Variants in SBF2 observed in about 807,000 individuals in gnomAD.
SBF2 encodes myotubularin-related protein 13.
In SBF2, 112 loss-of-function variants were observed where a neutral mutation model predicts 225.2. The observed-to-expected ratio is 0.50, with a 90% CI of 0.43 to 0.58. SBF2 has a LOEUF of 0.58. Among genes scored for constraint, SBF2 ranks in the 20% least tolerant of loss-of-function variants. The pLI is 0.00. For synonymous variants in SBF2, 763 were observed against 773.3 expected (o/e 0.99, Z 0.22); for missense variants, 1,996 against 2,206.2 (o/e 0.90, Z 1.91).
rs1225797334 is a variant in SBF2 at position 9,780,374 on chromosome 11, A to G, written c.*44T>C. 1.3e-6 allele frequency: 2 copies of G among 1,501,800 alleles called. No individual in the cohort carries two copies. Among genetic ancestry groups the G allele is most frequent in the Admixed American group, 3.4e-5 (2 of 59,586 alleles). The allele number at this position is 1,501,800 out of a possible 1,614,324, so 93.0% of individuals were successfully genotyped here. Reference sequence around the variant, plus strand: ...ATGCTTCTTTTTCTATCTATCTGGCAGCATGAGTTCTTCTGTTTCTTCTGC... The same window carrying G: ...ATGCTTCTTTTTCTATCTATCTGGCGGCATGAGTTCTTCTGTTTCTTCTGC... On this transcript the variant is annotated 3_prime_UTR_variant, in exon 40 of 40. Coordinates refer to ENST00000256190, the MANE Select transcript of SBF2 (RefSeq NM_030962.4).
At chr11:10,230,301 A>G (rs568506365) in intron 1 of SBF2, among the ~76,000 whole-genome samples, 90 of 151,914 alleles carry the variant, frequency 5.9e-4, no homozygotes, top group African/African-American at 2.1e-3. Context: ...GAGCATTTAG[A>G]CCATTTACAT....
chr11:10,249,488 T>C (rs118044813), intron 1 of SBF2, among the ~76,000 whole-genome samples: 4 of 152,300 alleles, frequency 2.6e-5, no homozygotes, highest in Non-Finnish European at 5.9e-5. Context: ...AAAAGATTGT[T>C]TGAAAAGCTA....
In SBF2 at chr11:9,808,126, C is replaced by G; in HGVS notation, c.4317G>C (p.Gln1439His). ...DPFYRTLEGF[Q>H]MLVEKEWLSF... ...AGAGCCACTCTTTTTCAACCAACAT[C>G]TGGAAGCCTTCAAGTGTCCTATAAA... Residue 1439 changes from glutamine (Q) to histidine (H), a missense_variant, in exon 32 of 40, where the codon CAG becomes CAC. By Grantham distance (24) the Gln-to-His change is conservative (BLOSUM62 0). Coordinates refer to ENST00000256190, the MANE Select transcript of SBF2 (RefSeq NM_030962.4). 6.2e-7 allele frequency: 1 copy of G among 1,614,206 alleles called. No homozygotes were observed. Among genetic ancestry groups the G allele is most frequent in the East Asian group, 2.2e-5 (1 of 44,894 alleles).
At chr11:10,096,662 T>A (rs1241916535) in intron 2 of SBF2, among the ~76,000 whole-genome samples, 1 of 152,160 alleles carries the variant, frequency 6.6e-6, no homozygotes, top group Non-Finnish European at 1.5e-5. Flanking sequence ...CAAAATCTCA[T>A]ACAAGCGGTG....
At chr11:9,979,246 A>C (rs1433058320) in intron 13 of SBF2, among the ~76,000 whole-genome samples, 1 of 152,208 alleles carries the variant, frequency 6.6e-6, no homozygotes, top group Non-Finnish European at 1.5e-5. Flanking sequence ...TTGTATGTAA[A>C]GTGCTTAATT....
chr11:10,243,951 A>AGCAT (rs1959494105), intron 1 of SBF2, among the ~76,000 whole-genome samples: 1 of 152,200 alleles, frequency 6.6e-6, no homozygotes, highest in Non-Finnish European at 1.5e-5. Context: ...TTATAAGGAC[A>AGCAT]GCATCAACCT....
At chr11:10,099,001 T>C (rs906640468) in intron 2 of SBF2, among the ~76,000 whole-genome samples, 13 of 151,446 alleles carry the variant, frequency 8.6e-5, no homozygotes, top group Non-Finnish European at 1.0e-4. Context: ...AAAATATGCA[T>C]GATAGAAGTC....
At chr11:9,848,498 C>T (rs1856709227) in intron 22 of SBF2, among the ~76,000 whole-genome samples, 1 of 152,006 alleles carries the variant, frequency 6.6e-6, no homozygotes, top group African/African-American at 2.4e-5. Context: ...AAATAAATTA[C>T]AGCAATTTAA....
chr11:10,042,765 T>C, intron 3 of SBF2, 79 bp downstream of exon 3: 2 of 1,498,600 alleles, frequency 1.3e-6, no homozygotes, highest in Non-Finnish European at 1.9e-6. Context: ...CTTGCAGTTG[T>C]AACAAAAATA....
intron 1 of SBF2, chr11:10,272,061 A>C (rs1264171021): frequency 1.8e-6 from 2 of 1,139,814 alleles, no homozygotes; most frequent in African/African-American, 3.2e-5. Context: ...CTTCAGAGTA[A>C]AGCACAGGAT....
chr11:10,239,729 C>G (rs537343697), intron 1 of SBF2, among the ~76,000 whole-genome samples: 2,906 of 142,710 alleles, frequency 0.02, 82 homozygotes, highest in Middle Eastern at 0.049. Context: ...GACGTCACAA[C>G]AATGGTCAAG....
At chr11:9,977,309 C>T (rs1223289680) in intron 13 of SBF2, among the ~76,000 whole-genome samples, 1 of 151,804 alleles carries the variant, frequency 6.6e-6, no homozygotes, top group African/African-American at 2.4e-5. Flanking sequence ...CATAGTGAGA[C>T]CCTATCTCTA....
At chr11:10,236,782 A>G (rs765441226) in intron 1 of SBF2, among the ~76,000 whole-genome samples, 6 of 152,200 alleles carry the variant, frequency 3.9e-5, no homozygotes, top group Non-Finnish European at 8.8e-5. Flanking sequence ...CTCTTAAAAA[A>G]GTTTAAAGAG....
chr11:10,082,265 A>G (rs1286413002), intron 2 of SBF2, among the ~76,000 whole-genome samples: 2 of 152,172 alleles, frequency 1.3e-5, no homozygotes, highest in Admixed American at 1.3e-4. Flanking sequence ...AAAGTCCAGG[A>G]CCAGAGAATT....
At position 10,134,456 on chromosome 11, in the gene SBF2, G is replaced by A. The variant is rs140150997; in HGVS notation, c.141+59446C>T. Among the ~76,000 whole-genome samples the A allele has an allele frequency of 5.8e-3, 889 of 152,088 alleles. 14 individuals are homozygous for A. The highest frequency in any genetic ancestry group is 0.019 in the African/African-American group (808 of 41,474). ...AGTCTTAACTCATGTCAGCATTAACGTGAAAGTCCACAGTCCAAAGTCTCA... is the reference window on the plus strand; with the variant it reads ...AGTCTTAACTCATGTCAGCATTAACATGAAAGTCCACAGTCCAAAGTCTCA... On this transcript the variant is annotated intron_variant, in intron 2 of 39. Coordinates refer to ENST00000256190, the MANE Select transcript of SBF2 (RefSeq NM_030962.4).
rs1852381503 is a variant in SBF2, at chr11:9,786,471, G to A, written c.5038-1153C>T. Among the ~76,000 whole-genome samples the A allele has an allele frequency of 2.0e-5, 3 of 152,250 alleles. No homozygotes were observed. The South Asian group carries it at 6.2e-4, about 32-fold the overall frequency. On this transcript the variant is annotated intron_variant, in intron 36 of 39. Coordinates refer to ENST00000256190, the MANE Select transcript of SBF2 (RefSeq NM_030962.4). ...CCCACCTGTTGTCTGTCTGATAACA[G>A]CTCCTGAATTGCTATTTGAGGGTAA...
chr11:9,935,895 T>C (rs191125077), intron 16 of SBF2, among the ~76,000 whole-genome samples: 1 of 152,236 alleles, frequency 6.6e-6, no homozygotes, highest in Non-Finnish European at 1.5e-5. Context: ...ACACAGGCAT[T>C]GGTAAGGACT....
chr11:9,832,407 A>T lies in SBF2; in HGVS notation c.3469T>A (p.Leu1157Ile), dbSNP rs2133937354. 9 of 1,613,468 alleles carry T rather than the reference A, an allele frequency of 5.6e-6. No homozygotes were observed. The highest frequency in any genetic ancestry group is 7.6e-6 in the Non-Finnish European group (9 of 1,179,448). ...YSLCRSYPGL[L>I]VVPQAVQDSS... ...TCCTGTACAGCTTGAGGTACGACTAAAAGGCCAGGATAGCTTCAGAGACAT... is the reference window on the plus strand; with the variant it reads ...TCCTGTACAGCTTGAGGTACGACTATAAGGCCAGGATAGCTTCAGAGACAT... The change falls in exon 27 of 40, where the codon TTA becomes ATA. Residue 1157 changes from leucine (L) to isoleucine (I), a missense_variant. Transcript: ENST00000256190.
intron 32 of SBF2, among the ~76,000 whole-genome samples, chr11:9,805,998 CATTGAG>C (rs1463586714): frequency 1.1e-4 from 17 of 152,200 alleles, no homozygotes; most frequent in Non-Finnish European, 2.2e-4. Context: ...CTCATATATT[CATTGAG>C]ATTATCTATT....
Sources: gnomAD v4.1 joint callset for allele counts (sites outside exome capture counted in the v4.1 genomes callset) on GRCh38, gnomAD v4.1.1 for gene constraint, MANE v1.5 for transcripts, NCBI Gene and HGNC (gene_info 2026-07-23, HGNC 2026-07-21) for gene names.